Variants in NBEA observed in about 807,000 individuals in gnomAD.
The protein encoded by NBEA is neurobeachin, also known as lysosomal-trafficking regulator 2.
Under a neutral mutation model 343.4 loss-of-function variants are expected in NBEA, and 44 were observed. The observed-to-expected ratio is 0.13, with a 90% CI of 0.10 to 0.16. The LOEUF is 0.16. Ranked by LOEUF, NBEA falls within the 10% of genes least tolerant of loss-of-function variation. The pLI is 1.00. For synonymous variants in NBEA, 1,175 were observed against 1,238.7 expected (o/e 0.95, Z 1.08); for missense variants, 2,555 against 3,631.3 (o/e 0.70, Z 7.62).
At chr13:35,341,548 A>G (rs56011636) in intron 36 of NBEA, among the ~76,000 whole-genome samples, 6,991 of 152,162 alleles carry the variant, frequency 0.046, 204 homozygotes, top group South Asian at 0.079. Flanking sequence ...CTCAATAATA[A>G]TAAGACAAAT....
chr13:35,166,291 A>G (rs923136425), intron 24 of NBEA, among the ~76,000 whole-genome samples: 16 of 152,208 alleles, frequency 1.1e-4, no homozygotes, highest in African/African-American at 3.6e-4. Context: ...ATCTTTAACT[A>G]TTAAGATAGA....
intron 35 of NBEA, among the ~76,000 whole-genome samples, chr13:35,295,160 T>G (rs1335360399): frequency 6.7e-6 from 1 of 148,502 alleles, no homozygotes; most frequent in Non-Finnish European, 1.5e-5. Context: ...AAATATAATA[T>G]TTATTTGTTT....
intron 45 of NBEA, among the ~76,000 whole-genome samples, chr13:35,581,878 T>A (rs1249575340): frequency 4.1e-5 from 4 of 97,990 alleles, no homozygotes; most frequent in South Asian, 6.4e-4. Flanking sequence ...AAACTTAAAG[T>A]ATAATTAAAA....
At chr13:35,190,736 A>C (rs2072123111) in intron 30 of NBEA, among the ~76,000 whole-genome samples, 1 of 152,186 alleles carries the variant, frequency 6.6e-6, no homozygotes, top group Non-Finnish European at 1.5e-5. Context: ...TGAGACAAGC[A>C]AAGAAATAGG....
At position 35,177,030 on chromosome 13, in the gene NBEA, C is replaced by G; in HGVS notation, c.4589C>G (p.Pro1530Arg). ...GAAAATGTTCCAGGTAACCTTTCTC[C>G]TATTAAGGATCCGGATAGACTTCTT... ...PLENVPGNLSPIKDPDRLLQD... is the reference protein window; with the variant it reads ...PLENVPGNLSRIKDPDRLLQD... The change falls in exon 28 of 59, where the codon CCT (proline) becomes CGT (arginine). Residue 1530 changes from proline to arginine, a missense_variant. Pro to Arg is a moderately radical substitution (Grantham distance 103). Around this residue, in one of 21 missense-constraint regions of NBEA, gnomAD observed 168 missense variants for 193.0 expected, o/e 0.87. Coordinates refer to ENST00000379939, the MANE Select transcript of NBEA (RefSeq NM_001385012.1). 6.2e-7 allele frequency: 1 copy of G among 1,604,178 alleles called. No homozygotes were observed. The highest frequency in any genetic ancestry group is 8.5e-7 in the Non-Finnish European group (1 of 1,174,402).
At chr13:35,609,952 T>C (rs1378028981) in intron 48 of NBEA, among the ~76,000 whole-genome samples, 1 of 152,186 alleles carries the variant, frequency 6.6e-6, no homozygotes. Context: ...TCCTCAGTGA[T>C]ATCTCTTCTT....
At chr13:34,994,198 C>CAAAAAA (rs57966701) in intron 1 of NBEA, among the ~76,000 whole-genome samples, 2 of 29,936 alleles carry the variant, frequency 6.7e-5, no homozygotes, top group Non-Finnish European at 1.8e-4. Flanking sequence ...GCTCTGTCTC[C>CAAAAAA]AAAAAAAAAA....
intron 34 of NBEA, among the ~76,000 whole-genome samples, chr13:35,248,529 T>C (rs1035447682): frequency 2.6e-5 from 4 of 152,116 alleles, no homozygotes; most frequent in Admixed American, 1.3e-4. Context: ...GTCAAAACAA[T>C]GTGGCACTGG....
chr13:35,559,681 C>T (rs910572760), intron 44 of NBEA, among the ~76,000 whole-genome samples: 2 of 151,918 alleles, frequency 1.3e-5, no homozygotes, highest in Non-Finnish European at 2.9e-5. Context: ...TTTGGGAGGC[C>T]GAGGCAGGTG....
chr13:35,650,984 ATAT>A (rs1486412728), intron 52 of NBEA, among the ~76,000 whole-genome samples: 6 of 152,180 alleles, frequency 3.9e-5, no homozygotes, highest in Admixed American at 3.3e-4. Context: ...GTTATTGGTG[ATAT>A]TATCAACGTA....
chr13:35,232,052 A>C (rs976942656), intron 33 of NBEA, among the ~76,000 whole-genome samples: 3 of 152,156 alleles, frequency 2.0e-5, no homozygotes, highest in African/African-American at 4.8e-5. Context: ...TATTACAACG[A>C]ATTTCAGTTA....
chr13:35,429,800 C>CGTGTGTGT (rs60362511), intron 38 of NBEA, among the ~76,000 whole-genome samples: 15,189 of 140,034 alleles, frequency 0.11, 1,025 homozygotes, highest in Admixed American at 0.23. Flanking sequence ...GAGTCCCCAA[C>CGTGTGTGT]GTGTGTGTGT....
At chr13:35,608,297 A>G (rs370809758) in intron 48 of NBEA, among the ~76,000 whole-genome samples, 1 of 152,282 alleles carries the variant, frequency 6.6e-6, no homozygotes, top group Non-Finnish European at 1.5e-5. Context: ...GTTATTTCAT[A>G]CTATTCCCTT....
intron 51 of NBEA, among the ~76,000 whole-genome samples, chr13:35,647,493 G>A (rs1485658876): frequency 6.6e-6 from 1 of 152,182 alleles, no homozygotes; most frequent in Non-Finnish European, 1.5e-5. Context: ...GCTAAGCACT[G>A]GAGATACAGT....
At chr13:35,339,155 G>A (rs575750872) in intron 36 of NBEA, among the ~76,000 whole-genome samples, 1 of 151,954 alleles carries the variant, frequency 6.6e-6, no homozygotes, top group African/African-American at 2.4e-5. Context: ...AGCTAGTGTA[G>A]TTAATTAAGA....
At chr13:35,631,160 C>T (rs545170305) in intron 49 of NBEA, among the ~76,000 whole-genome samples, 7 of 152,338 alleles carry the variant, frequency 4.6e-5, no homozygotes, top group Non-Finnish European at 1.0e-4. Context: ...TCTGTAAATA[C>T]ATCTATTGTT....
intron 38 of NBEA, among the ~76,000 whole-genome samples, chr13:35,427,399 C>T (rs1337870958): frequency 1.3e-5 from 2 of 152,102 alleles, no homozygotes; most frequent in African/African-American, 4.8e-5. Context: ...AGAGGTCCAC[C>T]CCAGACCCTG....
intron 41 of NBEA, among the ~76,000 whole-genome samples, chr13:35,525,483 G>A (rs1231538992): frequency 6.6e-6 from 1 of 152,088 alleles, no homozygotes; most frequent in Non-Finnish European, 1.5e-5. Context: ...AACCCAGAAG[G>A]CAGAGGTTGC....
chr13:35,550,258 C>G (rs544191464), intron 41 of NBEA, among the ~76,000 whole-genome samples: 9 of 152,112 alleles, frequency 5.9e-5, no homozygotes, highest in Non-Finnish European at 1.2e-4. Context: ...CACAGAGTCT[C>G]CTTGAATATG....
Sources: gnomAD v4.1 joint callset for allele counts (sites outside exome capture counted in the v4.1 genomes callset) on GRCh38, gnomAD v4.1.1 for gene constraint, gnomAD v4.1.1 regional missense constraint, MANE v1.5 for transcripts, NCBI Gene and HGNC (gene_info 2026-07-23, HGNC 2026-07-21) for gene names.